POLE: variants seen among roughly 807,000 people sequenced by gnomAD.
The protein encoded by POLE is DNA polymerase epsilon catalytic subunit A.
Under a neutral mutation model 279.2 loss-of-function variants are expected in POLE, and 188 were observed. The observed-to-expected ratio is 0.67, with a 90% CI of 0.60 to 0.76. The LOEUF (loss-of-function observed/expected upper bound fraction) is 0.76. Ranked by LOEUF, POLE falls within the 30% of genes least tolerant of loss-of-function variation. POLE has a pLI of 0.00. For synonymous variants in POLE, 1,214 were observed against 1,172.5 expected (o/e 1.04, Z -0.72); for missense variants, 2,703 against 3,016.7 (o/e 0.90, Z 2.44).
intron 32 of POLE, among the ~76,000 whole-genome samples, chr12:132,646,516 T>A (rs2042287156): frequency 7.3e-6 from 1 of 137,134 alleles, no homozygotes; most frequent in Non-Finnish European, 1.5e-5. Context: ...TCAACATTCT[T>A]TCTTCCTTTA....
chr12:132,626,426 C>T, intron 45 of POLE, 109 bp from the exon 46 acceptor site: 1 of 1,032,730 alleles, frequency 9.7e-7, no homozygotes, highest in Non-Finnish European at 1.5e-6. Flanking sequence ...GTGTCCTTTC[C>T]TCCCTTCCTT....
chr12:132,686,532 C>G (rs577333526), intron 1 of POLE, among the ~76,000 whole-genome samples: 1 of 151,988 alleles, frequency 6.6e-6, no homozygotes, highest in African/African-American at 2.4e-5. Flanking sequence ...GTCAGGAGTT[C>G]GAGACCAGCC....
intron 45 of POLE, among the ~76,000 whole-genome samples, chr12:132,631,998 G>A (rs1293135535): frequency 6.6e-6 from 1 of 152,188 alleles, no homozygotes; most frequent in Admixed American, 6.5e-5. Flanking sequence ...CACAGATGCC[G>A]CAACTGTGGC....
intron 1 of POLE, among the ~76,000 whole-genome samples, chr12:132,686,221 T>C (rs1474857222): frequency 6.6e-6 from 1 of 152,002 alleles, no homozygotes; most frequent in Non-Finnish European, 1.5e-5. Flanking sequence ...CGGTCATGTT[T>C]ACCGTTTGCT....
intron 1 of POLE, among the ~76,000 whole-genome samples, chr12:132,682,907 C>T (rs945353785): frequency 6.6e-6 from 1 of 151,394 alleles, no homozygotes; most frequent in Non-Finnish European, 1.5e-5. Context: ...GAGCTGGGAT[C>T]ATGCCACTGC....
At position 132,668,465 on chromosome 12, in the gene POLE, G is replaced by T. The variant is rs1555227275; in HGVS notation, c.2064C>A (p.His688Gln). ...ASRSEYHRIQ[H>Q]QLESEKFPPL... ...GGGGGAACTTCTCTGACTCCAGCTG[G>T]TGCTGGATCCGATGGTATTCGCTGC... Residue 688 changes from histidine (H) to glutamine (Q), a missense_variant, in exon 19 of 49, where the codon CAC (histidine) becomes CAA (glutamine). By Grantham distance (24) the His-to-Gln change is conservative. This residue lies in a region of POLE where 1,011 missense variants were observed against 1,111.7 expected (regional missense o/e 0.91). Coordinates refer to ENST00000320574, the MANE Select transcript of POLE (RefSeq NM_006231.4). This position sits in a 1 kb window ranked among gnomAD's most constrained non-coding sequence, Gnocchi z 4.0. The T allele has an allele frequency of 6.2e-7, 1 of 1,610,106 alleles. No homozygotes were observed. Among genetic ancestry groups the T allele is most frequent in the Non-Finnish European group, 8.5e-7 (1 of 1,177,990 alleles).
intron 1 of POLE, among the ~76,000 whole-genome samples, chr12:132,681,648 G>A (rs964973928): frequency 6.6e-6 from 1 of 152,058 alleles, no homozygotes; most frequent in Non-Finnish European, 1.5e-5. Context: ...ATATGACAGG[G>A]TATATATATT....
At chr12:132,648,691 C>T (rs1027534025) in intron 32 of POLE, 9 of 447,906 alleles carry the variant, frequency 2.0e-5, no homozygotes, top group South Asian at 8.0e-5. Flanking sequence ...GGTTTGTCCC[C>T]GCAACATGGA....
intron 16 of POLE, among the ~76,000 whole-genome samples, chr12:132,671,262 C>CAAAA (rs397850854): frequency 1.6e-5 from 1 of 64,492 alleles, no homozygotes; most frequent in Admixed American, 2.1e-4. Context: ...GACTCCGTCT[C>CAAAA]AAAAAAAAAA....
chr12:132,630,236 A>G (rs958429899), intron 45 of POLE, among the ~76,000 whole-genome samples: 1 of 152,220 alleles, frequency 6.6e-6, no homozygotes, highest in South Asian at 2.1e-4. Context: ...GAAAGATGAG[A>G]CTTGCTCAAG....
rs1251382813 is a variant in POLE at position 132,636,167 on chromosome 12, G to T, written c.5679-143C>A. 7 of 877,890 alleles carry T rather than the reference G, an allele frequency of 8.0e-6. No homozygotes were observed. In the African/African-American group the frequency reaches 1.0e-4, roughly 13 times the overall value. The allele number at this position is 877,890 out of a possible 1,614,324, so 54.4% of individuals were successfully genotyped here. Reference sequence around the variant, plus strand: ...TCATTCAGACCACATCATCCCTCAGGCTTCCTGGGGAAATGTGGTAAACGT... The same window carrying T: ...TCATTCAGACCACATCATCCCTCAGTCTTCCTGGGGAAATGTGGTAAACGT... On this transcript the variant is annotated intron_variant, in intron 41 of 48. Transcript: ENST00000320574.
At chr12:132,673,009 T>G (rs1251329364) in intron 14 of POLE, among the ~76,000 whole-genome samples, 155 bp downstream of exon 14, 1 of 152,140 alleles carries the variant, frequency 6.6e-6, no homozygotes, top group Non-Finnish European at 1.5e-5. Context: ...GGCCAGAGAA[T>G]TCCCAAAGGA....
chr12:132,680,372 C>A, intron 3 of POLE, 150 bp from the exon 4 acceptor site: 1 of 753,336 alleles, frequency 1.3e-6, no homozygotes, highest in Admixed American at 2.3e-5. Context: ...AGAATGCGCA[C>A]TTTTCACAGG....
Position 132,634,277 on chromosome 12 carries a change from G to A in POLE, c.5913C>T (p.Asn1971=), listed in dbSNP as rs532175815. The A allele has an allele frequency of 8.1e-6, 13 of 1,614,176 alleles. No homozygotes were observed. The highest frequency in any genetic ancestry group is 2.7e-5 in the African/African-American group (2 of 75,058). ...GEEEEEAEES[N]VEDLLENNWN... ...AGTTGTTTTCCAGTAAATCCTCCACGTTGGATTCCTCCGCCTCTTCCTCCT... is the reference window on the plus strand; with the variant it reads ...AGTTGTTTTCCAGTAAATCCTCCACATTGGATTCCTCCGCCTCTTCCTCCT... Residue 1971 remains asparagine, a synonymous_variant, in exon 43 of 49, where the codon AAC becomes AAT. Coordinates refer to ENST00000320574, the MANE Select transcript of POLE (RefSeq NM_006231.4). This position sits in a 1 kb window ranked among gnomAD's most constrained non-coding sequence, Gnocchi z 4.0.
chr12:132,667,194 G>A (rs1205607356), intron 20 of POLE, among the ~76,000 whole-genome samples: 2 of 152,134 alleles, frequency 1.3e-5, no homozygotes, highest in African/African-American at 2.4e-5. Flanking sequence ...AACAATAGGC[G>A]AAGGCAGTTG....
At position 132,676,048 on chromosome 12, in the gene POLE, G is replaced by A. The variant is rs375701878; in HGVS notation, c.1020+46C>T. On this transcript the variant is annotated intron_variant, in intron 10 of 48. Coordinates refer to ENST00000320574, the MANE Select transcript of POLE (RefSeq NM_006231.4). The stretch of plus-strand genomic sequence containing the variant: ...AGGCCTTGGAAAGATCCACATGTCC[G>A]TTCTTCCCACAATACCGGGTAGTTT... 79 of 1,282,946 alleles carry A rather than the reference G, an allele frequency of 6.2e-5. 2 individuals are homozygous for A. The highest frequency in any genetic ancestry group is 3.9e-4 in the African/African-American group (26 of 67,270). The allele number at this position is 1,282,946 out of a possible 1,614,324, so 79.5% of individuals were successfully genotyped here.
intron 32 of POLE, among the ~76,000 whole-genome samples, chr12:132,644,417 C>T (rs1236981304): frequency 6.7e-6 from 1 of 148,976 alleles, no homozygotes; most frequent in Non-Finnish European, 1.5e-5. Context: ...CCTCCCAAAT[C>T]GCTGGAACTG....
rs751217859 is a variant in POLE at position 132,624,996 on chromosome 12, T to C, written c.6658-2A>G. ...CACCCCGCGGCACTTCAGGCAGACCTGAAAGGGAGCAGCCCCGATGGGCGC... is the reference window on the plus strand; with the variant it reads ...CACCCCGCGGCACTTCAGGCAGACCCGAAAGGGAGCAGCCCCGATGGGCGC... On this transcript the variant is annotated splice_acceptor_variant, in intron 47 of 48. Coordinates refer to ENST00000320574, the MANE Select transcript of POLE (RefSeq NM_006231.4). LOFTEE classifies it high-confidence loss of function. 3.1e-6 allele frequency: 5 copies of C among 1,612,900 alleles called. No homozygotes were observed. The highest frequency in any genetic ancestry group is 4.2e-6 in the Non-Finnish European group (5 of 1,179,250).
chr12:132,649,617 G>C, intron 30 of POLE, 60 bp downstream of exon 30: 1 of 1,602,686 alleles, frequency 6.2e-7, no homozygotes, highest in African/African-American at 1.3e-5. Flanking sequence ...GACGCATCTC[G>C]GGCTCCCTGG....
Sources: allele counts gnomAD v4.1 joint callset (sites outside exome capture counted in the v4.1 genomes callset), GRCh38; gene constraint gnomAD v4.1.1; regional missense constraint gnomAD v4.1.1; non-coding constraint Gnocchi (gnomAD v3.1); transcripts MANE v1.5; gene names NCBI Gene and HGNC (gene_info 2026-07-23, HGNC 2026-07-21).